Variants in BPTF observed in about 807,000 individuals in gnomAD.
BPTF encodes bromodomain PHD finger transcription factor, also known as nucleosome-remodeling factor subunit BPTF.
A neutral mutation model predicts 292.5 loss-of-function variants in BPTF; 18 were observed. The ratio of observed to expected loss-of-function variants is 0.06; its 90% confidence interval spans 0.04 to 0.09. The LOEUF is 0.09. Among genes scored for constraint, BPTF ranks in the 10% least tolerant of loss-of-function variants. The pLI is 1.00. For missense variants in BPTF, 2,726 were observed against 3,498.7 expected, an observed-to-expected ratio of 0.78 and a Z score of 5.57; for synonymous variants, 1,225 against 1,251.9, an observed-to-expected ratio of 0.98 and a Z score of 0.45.
intron 21 of BPTF, 63 bp downstream of exon 21, chr17:67,946,388 T>C: frequency 6.4e-7 from 1 of 1,559,456 alleles, no homozygotes; most frequent in Non-Finnish European, 8.7e-7. Flanking sequence ...TGCAGTAGAA[T>C]TAGTGTTTGG....
chr17:67,956,982 A>C (rs1199538112), intron 23 of BPTF: 1 of 151,634 alleles, frequency 6.6e-6, no homozygotes, highest in African/African-American at 2.4e-5. Flanking sequence ...AACAAAAAAA[A>C]AGCTCTTTAA....
At chr17:67,947,634 C>T in intron 21 of BPTF, 92 bp from the exon 22 acceptor site, 1 of 951,066 alleles carries the variant, frequency 1.1e-6, no homozygotes, top group Non-Finnish European at 1.5e-6. Flanking sequence ...TTTAAAAAAA[C>T]ACATATGTGC....
intron 26 of BPTF, among the ~76,000 whole-genome samples, chr17:67,972,534 G>A (rs1198340568): frequency 5.3e-5 from 8 of 152,276 alleles, no homozygotes; most frequent in African/African-American, 1.9e-4. Context: ...GTGAGCCACT[G>A]CGTCTGGCTA....
Position 67,893,420 on chromosome 17 carries a change from G to A in BPTF, c.2106G>A (p.Lys702=), listed in dbSNP as rs2061254309. 6.2e-7 allele frequency: 1 copy of A among 1,614,142 alleles called. No individual in the cohort carries two copies. The highest frequency in any genetic ancestry group is 1.6e-4 in the Middle Eastern group (1 of 6,062). The change falls in exon 6 of 28, where the codon AAG becomes AAA. Residue 702 remains lysine (K), a synonymous_variant. Transcript: ENST00000306378. ...AAATTTCACGGTTGAGCACCAAAAA[G>A]GAAGTGATCATGAAAGGAAATATCA... ...QGEISRLSTK[K]EVIMKGNINN... is the part of the protein sequence containing the mutation.
At chr17:67,876,158 C>T (rs149172007) in intron 4 of BPTF, among the ~76,000 whole-genome samples, 162 of 152,118 alleles carry the variant, frequency 1.1e-3, no homozygotes, top group African/African-American at 3.5e-3. Flanking sequence ...CATTTCAAAC[C>T]GTAGTATTAT....
chr17:67,926,395 G>C (rs1392845103), intron 15 of BPTF, among the ~76,000 whole-genome samples: 4 of 146,320 alleles, frequency 2.7e-5, no homozygotes, highest in Non-Finnish European at 5.9e-5. Context: ...CGCGATCTCG[G>C]CTTACTGCAA....
intron 23 of BPTF, among the ~76,000 whole-genome samples, chr17:67,954,061 A>G (rs2066685697): frequency 7.5e-6 from 1 of 134,006 alleles, no homozygotes; most frequent in Non-Finnish European, 1.5e-5. Flanking sequence ...ATCACAGCAC[A>G]CCACAGCTTC....
intron 19 of BPTF, among the ~76,000 whole-genome samples, chr17:67,942,193 G>A (rs2065425911): frequency 1.3e-5 from 2 of 152,132 alleles, no homozygotes; most frequent in Non-Finnish European, 2.9e-5. Flanking sequence ...GTGTACGCCT[G>A]TAATCCCAGC....
At chr17:67,964,998 C>CAA (rs58009257) in intron 25 of BPTF, 1,502 of 42,724 alleles carry the variant, frequency 0.035, 155 homozygotes, top group African/African-American at 0.11. Context: ...GACTCCATCG[C>CAA]AAAAAAAAAA....
chr17:67,864,527 CA>C (rs60272759), intron 2 of BPTF, among the ~76,000 whole-genome samples: 2,187 of 80,196 alleles, frequency 0.027, 39 homozygotes, highest in African/African-American at 0.068. Context: ...GACTCCATCA[CA>C]AAAAAAAAAA....
intron 1 of BPTF, among the ~76,000 whole-genome samples, chr17:67,829,353 T>G (rs971744248): frequency 1.3e-5 from 2 of 151,860 alleles, no homozygotes; most frequent in Non-Finnish European, 2.9e-5. Flanking sequence ...TTTCCTTATC[T>G]CTTCTAAAAA....
chr17:67,873,088 G>C (rs1378926393), intron 3 of BPTF, among the ~76,000 whole-genome samples: 1 of 152,070 alleles, frequency 6.6e-6, no homozygotes, highest in African/African-American at 2.4e-5. Flanking sequence ...CTCTAAAAAA[G>C]TAAAAAATAA....
chr17:67,973,026 AATATATATATTTATAT>A (rs1311982617), intron 26 of BPTF, among the ~76,000 whole-genome samples: 1 of 145,330 alleles, frequency 6.9e-6, no homozygotes, highest in African/African-American at 2.5e-5. Context: ...TGTGTACTAA[AATATATATATTTATAT>A]ATATATATAT....
At chr17:67,903,560 ATTAT>A (rs1253908996) in intron 7 of BPTF, among the ~76,000 whole-genome samples, 1 of 152,206 alleles carries the variant, frequency 6.6e-6, no homozygotes, top group African/African-American at 2.4e-5. Context: ...ATAAATCATA[ATTAT>A]TTCTTATGGA....
rs11413151 is a variant in BPTF at position 67,886,368 on chromosome 17, C to CTT, written c.1865-5469_1865-5468dup. The CTT allele has an allele frequency of 1.1e-5, 14 of 1,289,078 alleles. No individual in the cohort carries two copies. The African/African-American group carries it at 1.1e-4, about 10-fold the overall frequency. 79.9% of individuals were successfully genotyped at this position (1,289,078 alleles called of 1,614,324 possible). A position where few individuals can be genotyped will look rare whatever the true frequency, so the allele number is the denominator to read the frequency against. ...TAAAGGGAAGTTTTTTCTTTTTTTTCTTTTTTTTGTGTGTGTGTGTGTGGT... is the reference window on the plus strand; with the variant it reads ...TAAAGGGAAGTTTTTTCTTTTTTTTCTTTTTTTTTTGTGTGTGTGTGTGTGGT... On this transcript the variant is annotated intron_variant, in intron 4 of 27. Transcript: ENST00000306378.
chr17:67,827,390 G>T (rs566542522), intron 1 of BPTF, among the ~76,000 whole-genome samples: 10 of 152,070 alleles, frequency 6.6e-5, no homozygotes, highest in African/African-American at 1.2e-4. Flanking sequence ...GGCTGGTGCC[G>T]AGATGCATTT....
intron 7 of BPTF, among the ~76,000 whole-genome samples, chr17:67,895,964 C>CTT (rs796964349): frequency 2.5e-4 from 34 of 135,316 alleles, no homozygotes; most frequent in Non-Finnish European, 4.2e-4. Flanking sequence ...CTCAATCAGG[C>CTT]TTTTTTTTTT....
At chr17:67,964,805 C>T (rs1460105623) in intron 25 of BPTF, among the ~76,000 whole-genome samples, 7 of 149,752 alleles carry the variant, frequency 4.7e-5, no homozygotes, top group African/African-American at 7.4e-5. Flanking sequence ...TCAGACCATC[C>T]TGGCTAACAC....
intron 9 of BPTF, among the ~76,000 whole-genome samples, chr17:67,907,183 T>TG: frequency 9.0e-6 from 1 of 111,208 alleles, no homozygotes; most frequent in South Asian, 3.1e-4. Flanking sequence ...AGACACTGTC[T>TG]CCAAAAAAAA....
Sources: gnomAD v4.1 joint callset for allele counts (sites outside exome capture counted in the v4.1 genomes callset) on GRCh38, gnomAD v4.1.1 for gene constraint, MANE v1.5 for transcripts, NCBI Gene and HGNC (gene_info 2026-07-23, HGNC 2026-07-21) for gene names.